GRM1: variants seen among roughly 807,000 people sequenced by gnomAD.
GRM1 encodes metabotropic glutamate receptor 1.
Under a neutral mutation model 90.9 loss-of-function variants are expected in GRM1, and 33 were observed. The observed-to-expected ratio is 0.36, with a 90% CI of 0.28 to 0.49. The LOEUF (loss-of-function observed/expected upper bound fraction) is 0.49, where lower values mean the gene tolerates loss of function less well. Among genes scored for constraint, GRM1 ranks in the 20% least tolerant of loss-of-function variants. The pLI is 0.99. For synonymous variants in GRM1, 700 were observed against 613.2 expected (o/e 1.14, Z -2.09); for missense variants, 1,190 against 1,534.3 (o/e 0.78, Z 3.75).
At chr6:146,272,318 G>A (rs1251121221) in intron 2 of GRM1, among the ~76,000 whole-genome samples, 6 of 152,228 alleles carry the variant, frequency 3.9e-5, no homozygotes, top group Non-Finnish European at 8.8e-5. Flanking sequence ...TATCATATAG[G>A]TTTCAAATCA....
chr6:146,291,380 T>C (rs772340615), intron 2 of GRM1, among the ~76,000 whole-genome samples: 2 of 150,792 alleles, frequency 1.3e-5, no homozygotes, highest in Non-Finnish European at 3.0e-5. Flanking sequence ...TTTGAACAGA[T>C]ATATTATATA....
At chr6:146,049,652 TATCTATC>T (rs1285047508) in intron 1 of GRM1, among the ~76,000 whole-genome samples, 4 of 30,034 alleles carry the variant, frequency 1.3e-4, no homozygotes, top group Non-Finnish European at 2.4e-4. Context: ...CCTCCTTTCA[TATCTATC>T]TATCTATCTA....
intron 3 of GRM1, among the ~76,000 whole-genome samples, chr6:146,326,103 CA>C (rs1452229046): frequency 6.6e-6 from 1 of 152,004 alleles, no homozygotes. Context: ...TAATTGAAAA[CA>C]AAAATAGAAA....
At chr6:146,190,833 C>T (rs1778912742) in intron 2 of GRM1, among the ~76,000 whole-genome samples, 1 of 152,134 alleles carries the variant, frequency 6.6e-6, no homozygotes, top group Admixed American at 6.5e-5. Flanking sequence ...TCTCTCTCCC[C>T]AATCTTGTTT....
At chr6:146,245,939 T>G (rs1234057714) in intron 2 of GRM1, among the ~76,000 whole-genome samples, 1 of 152,222 alleles carries the variant, frequency 6.6e-6, no homozygotes, top group African/African-American at 2.4e-5. Flanking sequence ...AAGCCCTGTT[T>G]CAATAGCATA....
intron 2 of GRM1, among the ~76,000 whole-genome samples, chr6:146,180,818 T>C (rs1308782978): frequency 6.6e-6 from 1 of 152,182 alleles, no homozygotes; most frequent in Non-Finnish European, 1.5e-5. Flanking sequence ...AATGTTCTAA[T>C]AAAATAGTGC....
chr6:146,245,613 C>G (rs1201049118), intron 2 of GRM1, among the ~76,000 whole-genome samples: 1 of 152,102 alleles, frequency 6.6e-6, no homozygotes, highest in African/African-American at 2.4e-5. Context: ...GTATTCAAAA[C>G]CTCCATTTTC....
intron 3 of GRM1, among the ~76,000 whole-genome samples, chr6:146,351,414 T>C (rs894298528): frequency 6.7e-6 from 1 of 149,414 alleles, no homozygotes; most frequent in Admixed American, 6.7e-5. Flanking sequence ...CTCTTACCTT[T>C]ATTTCAGCAA....
intron 5 of GRM1, among the ~76,000 whole-genome samples, chr6:146,372,049 A>G (rs1775923181): frequency 6.6e-6 from 1 of 152,138 alleles, no homozygotes; most frequent in Admixed American, 6.6e-5. Flanking sequence ...TATTCTCCAT[A>G]GTGATTGTAC....
rs1778546634 is a variant in GRM1 at position 146,434,883 on chromosome 6, G to A, written c.*87G>A. On this transcript the variant is annotated 3_prime_UTR_variant, in exon 8 of 8. Coordinates refer to ENST00000282753, the MANE Select transcript of GRM1 (RefSeq NM_001278064.2). ...TGCAAACAGCTGGGAGGAAAAGCCT[G>A]GGAGTGGGGGGCCTCGTCGGGAGGA... 8.6e-7 allele frequency: 1 copy of A among 1,167,902 alleles called. No individual in the cohort carries two copies. Among genetic ancestry groups the A allele is most frequent in the Non-Finnish European group, 1.3e-6 (1 of 794,988 alleles). The allele number at this position is 1,167,902 out of a possible 1,614,324, so 72.3% of individuals were successfully genotyped here. A position where few individuals can be genotyped will look rare whatever the true frequency, so the allele number is the denominator to read the frequency against.
At chr6:146,328,436 G>C (rs943769424) in intron 3 of GRM1, among the ~76,000 whole-genome samples, 3 of 152,090 alleles carry the variant, frequency 2.0e-5, no homozygotes, top group African/African-American at 7.2e-5. Context: ...GGTATGTGTG[G>C]CTTTGGAAAA....
At position 146,236,077 on chromosome 6, in the gene GRM1, T is replaced by C. The variant is rs535574005; in HGVS notation, c.951-68534T>C. Reference sequence around the variant, plus strand: ...GCCTTTATTAATATGAGTTATGTCATTCCTGTTTGGAGTTGGACAGAATAT... The same window carrying C: ...GCCTTTATTAATATGAGTTATGTCACTCCTGTTTGGAGTTGGACAGAATAT... On this transcript the variant is annotated intron_variant, in intron 2 of 7. Transcript: ENST00000282753. Among the ~76,000 whole-genome samples, 27 of 152,300 alleles carry C rather than the reference T, an allele frequency of 1.8e-4. No individual in the cohort carries two copies. In the East Asian group the frequency reaches 4.8e-3, roughly 27 times the overall value.
At chr6:146,159,627 TCTCTCTCTCTCTCTCA>T in intron 2 of GRM1, 30 bp downstream of exon 2, 5 of 1,522,366 alleles carry the variant, frequency 3.3e-6, no homozygotes, top group Middle Eastern at 2.3e-4. Flanking sequence ...TCTCTCTCTC[TCTCTCTCTCTCTCTCA>T]CACACACACA....
At chr6:146,404,242 T>C (rs147130768) in intron 7 of GRM1, among the ~76,000 whole-genome samples, 131 of 152,262 alleles carry the variant, frequency 8.6e-4, no homozygotes, top group African/African-American at 3.1e-3. Flanking sequence ...CAATTTCTCA[T>C]TCATTCATTT....
At chr6:146,362,910 T>G (rs1019304408) in intron 5 of GRM1, among the ~76,000 whole-genome samples, 3 of 152,110 alleles carry the variant, frequency 2.0e-5, no homozygotes, top group African/African-American at 7.2e-5. Flanking sequence ...ATGATCATTC[T>G]CATTACGACC....
intron 5 of GRM1, among the ~76,000 whole-genome samples, chr6:146,371,261 C>A (rs976034409): frequency 6.6e-6 from 1 of 152,072 alleles, no homozygotes; most frequent in East Asian, 1.9e-4. Flanking sequence ...GGGACACAGG[C>A]TAGTGGAGCT....
chr6:146,351,448 C>T (rs1054909180), intron 3 of GRM1, among the ~76,000 whole-genome samples: 3 of 152,200 alleles, frequency 2.0e-5, no homozygotes, highest in African/African-American at 7.2e-5. Flanking sequence ...CAAAATTTCT[C>T]ATCCATATCT....
At chr6:146,252,815 A>G (rs1294874150) in intron 2 of GRM1, among the ~76,000 whole-genome samples, 1 of 152,052 alleles carries the variant, frequency 6.6e-6, no homozygotes, top group Non-Finnish European at 1.5e-5. Context: ...TAATCCCAGC[A>G]CTTTGGGGGG....
At chr6:146,140,103 TTCTTTC>T (rs1204737158) in intron 1 of GRM1, among the ~76,000 whole-genome samples, 2 of 113,892 alleles carry the variant, frequency 1.8e-5, no homozygotes, top group Non-Finnish European at 3.6e-5. Flanking sequence ...CTTTCTTTCT[TTCTTTC>T]TTTCTTTCTT....
Sources: allele counts gnomAD v4.1 joint callset (sites outside exome capture counted in the v4.1 genomes callset), GRCh38; gene constraint gnomAD v4.1.1; transcripts MANE v1.5; gene names NCBI Gene and HGNC (gene_info 2026-07-23, HGNC 2026-07-21).